Variants in FBXO22 observed in about 807,000 individuals in gnomAD.
FBXO22 encodes the protein F-box only protein 22.
Under a neutral mutation model 37.2 loss-of-function variants are expected in FBXO22, and 13 were observed. The observed-to-expected ratio is 0.35, with a 90% CI of 0.23 to 0.56. The LOEUF (loss-of-function observed/expected upper bound fraction) is 0.56. Ranked by LOEUF, FBXO22 falls within the 20% of genes least tolerant of loss-of-function variation. The probability of loss-of-function intolerance (pLI) is 0.87; values close to 1 mark genes in which losing one functional copy is unlikely to be tolerated. For missense variants in FBXO22, 446 were observed against 509.9 expected, an observed-to-expected ratio of 0.87 and a Z score of 1.21; for synonymous variants, 189 against 189.1, an observed-to-expected ratio of 1.00 and a Z score of 0.00.
intron 5 of FBXO22, among the ~76,000 whole-genome samples, chr15:75,918,026 C>T (rs335697): frequency 0.2 from 29,893 of 152,052 alleles, 3,332 homozygotes; most frequent in Admixed American, 0.29. Flanking sequence ...AAACAACAAA[C>T]GAATTACTCA....
chr15:75,904,806 C>T (rs893812854), intron 2 of FBXO22, among the ~76,000 whole-genome samples, 177 bp downstream of exon 2: 34 of 148,990 alleles, frequency 2.3e-4, no homozygotes, highest in African/African-American at 7.9e-4. Context: ...ATTTATTTGA[C>T]CGTTCATCAA....
At position 75,903,885 on chromosome 15, in the gene FBXO22, G is replaced by A; in HGVS notation, c.-79G>A. ...TGGCGCGGACGCCTGCTCAGTGCGC[G>A]CCGGCCGGGCAACCCTATGCTGGCG... On this transcript the variant is annotated 5_prime_UTR_variant, in exon 1 of 7. Coordinates refer to ENST00000308275, the MANE Select transcript of FBXO22 (RefSeq NM_147188.3). 3.6e-6 allele frequency: 5 copies of A among 1,392,426 alleles called. No individual in the cohort carries two copies. The highest frequency in any genetic ancestry group is 4.7e-6 in the Non-Finnish European group (5 of 1,071,634). The allele number at this position is 1,392,426 out of a possible 1,614,324, so 86.3% of individuals were successfully genotyped here.
Position 75,904,037 on chromosome 15 carries a change from A to G in FBXO22, c.74A>G (p.Asn25Ser). The change falls in exon 1 of 7, where the codon AAC becomes AGC. Residue 25 changes from asparagine to serine, a missense_variant. This residue lies in a region of FBXO22 where 131 missense variants were observed against 99.8 expected (regional missense o/e 1.31). Coordinates refer to ENST00000308275, the MANE Select transcript of FBXO22 (RefSeq NM_147188.3). ...VDPRSTFVLS[N>S]LAEVVERVLT... ...CCGCGGAGCACCTTCGTGTTGAGTA[A>G]CCTGGCGGAGGTGGTGGAGCGTGTG... The G allele has an allele frequency of 6.4e-7, 1 of 1,569,288 alleles. No individual in the cohort carries two copies. The highest frequency in any genetic ancestry group is 1.2e-5 in the South Asian group (1 of 85,468).
intron 4 of FBXO22, among the ~76,000 whole-genome samples, chr15:75,915,609 A>C (rs1051424939): frequency 6.6e-6 from 1 of 151,768 alleles, no homozygotes; most frequent in Non-Finnish European, 1.5e-5. Context: ...CTACTAAAAA[A>C]TGTAAAAATT....
intron 5 of FBXO22, among the ~76,000 whole-genome samples, chr15:75,927,654 C>T (rs1900472730): frequency 6.6e-6 from 1 of 152,116 alleles, no homozygotes; most frequent in African/African-American, 2.4e-5. Flanking sequence ...AAAAAAGATG[C>T]TTTAGCAATG....
intron 2 of FBXO22, among the ~76,000 whole-genome samples, chr15:75,908,550 G>C (rs536915792): frequency 6.6e-6 from 1 of 152,110 alleles, no homozygotes. Context: ...TATTACAGGC[G>C]TGAGCCACTG....
chr15:75,918,772 CAT>C (rs370561742), intron 5 of FBXO22, among the ~76,000 whole-genome samples: 15 of 152,228 alleles, frequency 9.9e-5, no homozygotes, highest in African/African-American at 2.4e-4. Context: ...TGATCTCACT[CAT>C]GTGTGGAATC....
chr15:75,914,273 T>C, intron 4 of FBXO22, 68 bp downstream of exon 4: 1 of 1,062,762 alleles, frequency 9.4e-7, no homozygotes, highest in Non-Finnish European at 1.4e-6. Flanking sequence ...ATTGGTGAGT[T>C]ATTTTTAGCT....
Position 75,929,822 on chromosome 15 carries a change from C to A in FBXO22, c.629-62C>A. ...AAGTCAGTAACATTTCATTTTGCAG[C>A]ATGTATAAAATAATTTCTGTTTTAA... On this transcript the variant is annotated intron_variant, in intron 5 of 6. Coordinates refer to ENST00000308275, the MANE Select transcript of FBXO22 (RefSeq NM_147188.3). 2.5e-6 allele frequency: 4 copies of A among 1,591,976 alleles called. No homozygotes were observed. In the Admixed American group the frequency reaches 6.7e-5, roughly 27 times the overall value.
chr15:75,918,849 G>T (rs1298098376), intron 5 of FBXO22, among the ~76,000 whole-genome samples: 1 of 152,204 alleles, frequency 6.6e-6, no homozygotes, highest in South Asian at 2.1e-4. Flanking sequence ...GGGTGGTTGG[G>T]AGGGGCTTTG....
chr15:75,912,234 T>C (rs1477228591), intron 2 of FBXO22, among the ~76,000 whole-genome samples: 2 of 152,064 alleles, frequency 1.3e-5, no homozygotes, highest in Non-Finnish European at 2.9e-5. Context: ...AATTTTCTTT[T>C]TTTATTGTGT....
At chr15:75,932,508 T>G (rs1241077928) in intron 6 of FBXO22, among the ~76,000 whole-genome samples, 177 bp from the exon 7 acceptor site, 1 of 152,240 alleles carries the variant, frequency 6.6e-6, no homozygotes, top group Non-Finnish European at 1.5e-5. Context: ...CTTGTGCATT[T>G]TTTATGTATT....
At chr15:75,904,210 C>A in intron 1 of FBXO22, 107 bp downstream of exon 1, 1 of 1,392,318 alleles carries the variant, frequency 7.2e-7, no homozygotes, top group South Asian at 1.5e-5. Flanking sequence ...CAGGGCCGTC[C>A]CCGGCTCGCT....
chr15:75,922,379 GTAGATTGC>G, intron 5 of FBXO22, among the ~76,000 whole-genome samples: 1 of 152,330 alleles, frequency 6.6e-6, no homozygotes, highest in East Asian at 1.9e-4. Flanking sequence ...AGCAGAATGG[GTAGATTGC>G]TGTAGGGGTT....
chr15:75,941,785 C>T lies in FBXO22; in HGVS notation c.*8683C>T, dbSNP rs901720874. 2.6e-5 allele frequency: 4 copies of T among 151,972 alleles called. No individual in the cohort carries two copies. Among genetic ancestry groups the T allele is most frequent in the Admixed American group, 2.0e-4 (3 of 15,260 alleles). The allele number at this position is 151,972 out of a possible 1,614,324, so 9.4% of individuals were successfully genotyped here. A position where few individuals can be genotyped will look rare whatever the true frequency, so the allele number is the denominator to read the frequency against. ...GAATGGGAATTTATTGTTTAAGGGGCACAGAGATTAGTGTGGGATCATGAA... is the reference window on the plus strand; with the variant it reads ...GAATGGGAATTTATTGTTTAAGGGGTACAGAGATTAGTGTGGGATCATGAA... On this transcript the variant is annotated 3_prime_UTR_variant, in exon 7 of 7. Coordinates refer to ENST00000308275, the MANE Select transcript of FBXO22 (RefSeq NM_147188.3).
chr15:75,916,843 CA>C (rs1336268882), intron 4 of FBXO22, among the ~76,000 whole-genome samples: 3 of 84,464 alleles, frequency 3.6e-5, no homozygotes, highest in African/African-American at 1.1e-4. Context: ...ATATAATTGT[CA>C]AATATTTTTA....
At position 75,933,561 on chromosome 15, in the gene FBXO22, C is replaced by T. The variant is rs1311076337; in HGVS notation, c.*459C>T. The T allele has an allele frequency of 1.2e-5, 2 of 168,920 alleles. No homozygotes were observed. The highest frequency in any genetic ancestry group is 1.8e-4 in the East Asian group (1 of 5,488). 10.5% of individuals were successfully genotyped at this position (168,920 alleles called of 1,614,324 possible). On this transcript the variant is annotated 3_prime_UTR_variant, in exon 7 of 7. Coordinates refer to ENST00000308275, the MANE Select transcript of FBXO22 (RefSeq NM_147188.3). ...TACTGATGGCTGGAGAAATTTTTCT[C>T]TGCCTTTCAGTTTTATGAATTTTTT...
chr15:75,931,832 T>G (rs1052008372), intron 6 of FBXO22, among the ~76,000 whole-genome samples: 4 of 152,208 alleles, frequency 2.6e-5, no homozygotes, highest in Non-Finnish European at 2.9e-5. Flanking sequence ...AACTCTAGAC[T>G]CAAAGCAATA....
rs1351275074 is a variant in FBXO22, at chr15:75,935,940, A to G, written c.*2838A>G. The stretch of plus-strand genomic sequence containing the variant: ...GTAGCTGGGACTACAGGCGCCCGCC[A>G]CCGCGCCCGGCTAATTTTTTGTATT... On this transcript the variant is annotated 3_prime_UTR_variant, in exon 7 of 7. Coordinates refer to ENST00000308275, the MANE Select transcript of FBXO22 (RefSeq NM_147188.3). 1 of 151,916 alleles carries G rather than the reference A, an allele frequency of 6.6e-6. No homozygotes were observed. Among genetic ancestry groups the G allele is most frequent in the Non-Finnish European group, 1.5e-5 (1 of 67,982 alleles). 9.4% of individuals were successfully genotyped at this position (151,916 alleles called of 1,614,324 possible).
Sources: gnomAD v4.1 joint callset for allele counts (sites outside exome capture counted in the v4.1 genomes callset) on GRCh38, gnomAD v4.1.1 for gene constraint, gnomAD v4.1.1 regional missense constraint, MANE v1.5 for transcripts, NCBI Gene and HGNC (gene_info 2026-07-23, HGNC 2026-07-21) for gene names.